Variants in KLRG1 observed in about 807,000 individuals in gnomAD.
KLRG1 encodes the protein killer cell lectin like receptor G1.
A neutral mutation model predicts 21.8 loss-of-function variants in KLRG1; 16 were observed. The ratio of observed to expected loss-of-function variants is 0.73; its 90% CI spans 0.50 to 1.11. The LOEUF is 1.11. Ranked by LOEUF, KLRG1 falls within the 50% of genes most tolerant of loss-of-function variation. The pLI is 0.00. For missense variants in KLRG1, 173 were observed against 218.3 expected, an observed-to-expected ratio of 0.79 and a Z score of 1.31; for synonymous variants, 69 against 75.9, an observed-to-expected ratio of 0.91 and a Z score of 0.47.
the KLRG1 span, among the ~76,000 whole-genome samples, chr12:9,150,383 C>T: frequency 1.3e-5 from 2 of 152,214 alleles, no homozygotes; most frequent in South Asian, 4.1e-4. Flanking sequence ...CCCAGGCTTA[C>T]ACGATTCTCC....
rs941594385 is a variant in KLRG1, at chr12:8,992,245, T to C, written c.122T>C (p.Ile41Thr). The C allele has an allele frequency of 2.5e-6, 4 of 1,613,964 alleles. No individual in the cohort carries two copies. The highest frequency in any genetic ancestry group is 1.7e-5 in the Admixed American group (1 of 59,984). Residue 41 changes from isoleucine (I) to threonine (T), a missense_variant, in exon 2 of 5, where the codon ATA (isoleucine) becomes ACA (threonine). Ile to Thr is a moderately conservative substitution (Grantham distance 89, BLOSUM62 -1). This residue lies in a region of KLRG1 where 144 missense variants were observed against 161.5 expected (regional missense o/e 0.89). Transcript: ENST00000356986. ...SRPSCSCLVA[I>T]ALGLLTAVLL... ...CCTTCTTGTTCTTGCCTTGTGGCAA[T>C]AGCTTTGGGGCTTCTGACTGCAGTT...
At chr12:8,958,175 A>G (rs1946327170) in intron 1 of KLRG1, among the ~76,000 whole-genome samples, 1 of 152,190 alleles carries the variant, frequency 6.6e-6, no homozygotes, top group Non-Finnish European at 1.5e-5. Context: ...TGGGATTACA[A>G]GCATGAACCA....
the KLRG1 span, among the ~76,000 whole-genome samples, chr12:9,182,867 T>C: frequency 1.3e-5 from 2 of 152,202 alleles, no homozygotes; most frequent in East Asian, 3.8e-4. Flanking sequence ...GAGATGCCTG[T>C]ACATAAAGGA....
rs765464164 is a variant in KLRG1 at position 8,992,311 on chromosome 12, G to T, written c.187+1G>T. 6.2e-7 allele frequency: 1 copy of T among 1,602,924 alleles called. No individual in the cohort carries two copies. Among genetic ancestry groups the T allele is most frequent in the Non-Finnish European group, 8.5e-7 (1 of 1,173,946 alleles). On this transcript the variant is annotated splice_donor_variant, in intron 2 of 4. Coordinates refer to ENST00000356986, the MANE Select transcript of KLRG1 (RefSeq NM_005810.4). LOFTEE classifies it high-confidence loss of function. ...CTATACCAGTGGATCCTGTGCCAGGGTAAGTGCAAACTTAAACCAAAATTA... is the reference window on the plus strand; with the variant it reads ...CTATACCAGTGGATCCTGTGCCAGGTTAAGTGCAAACTTAAACCAAAATTA...
the KLRG1 span, among the ~76,000 whole-genome samples, chr12:9,047,622 G>A: frequency 6.6e-6 from 1 of 151,946 alleles, no homozygotes; most frequent in Admixed American, 6.6e-5. Flanking sequence ...TATTAGAGTG[G>A]ATAAGAAAAC....
At chr12:8,979,421 A>G (rs12824380) in intron 1 of KLRG1, among the ~76,000 whole-genome samples, 54,680 of 152,064 alleles carry the variant, frequency 0.36, 10,927 homozygotes, top group South Asian at 0.44. Context: ...CCTGGCATAT[A>G]AGGTTTCTGC....
the KLRG1 span, chr12:9,101,130 A>T: frequency 6.4e-7 from 1 of 1,555,970 alleles, no homozygotes; most frequent in Admixed American, 1.9e-5. Flanking sequence ...TGCAGAGATG[A>T]TGGAAATACT....
At chr12:9,207,819 C>T in the KLRG1 span, among the ~76,000 whole-genome samples, 5 of 152,184 alleles carry the variant, frequency 3.3e-5, no homozygotes, top group African/African-American at 1.2e-4. Flanking sequence ...AAATTATTTT[C>T]CCTGCTTTGG....
the KLRG1 span, among the ~76,000 whole-genome samples, chr12:9,157,554 C>T: frequency 3.9e-4 from 59 of 152,138 alleles, no homozygotes; most frequent in African/African-American, 1.4e-3. Context: ...GACTAGAGAA[C>T]CTGTTTTTAG....
intron 1 of KLRG1, among the ~76,000 whole-genome samples, chr12:8,972,194 G>A (rs1384815325): frequency 6.6e-6 from 1 of 151,836 alleles, no homozygotes; most frequent in African/African-American, 2.4e-5. Flanking sequence ...GTCTCGCTCT[G>A]TCGCCCAGGC....
At chr12:9,024,953 G>T in the KLRG1 span, among the ~76,000 whole-genome samples, 1 of 152,298 alleles carries the variant, frequency 6.6e-6, no homozygotes, top group East Asian at 1.9e-4. Flanking sequence ...TGGCACAGAG[G>T]AAAGAGCATA....
chr12:8,982,022 A>G (rs1402041007), intron 1 of KLRG1, among the ~76,000 whole-genome samples: 1 of 152,176 alleles, frequency 6.6e-6, no homozygotes, highest in African/African-American at 2.4e-5. Flanking sequence ...TTATATTAGT[A>G]TGACCACTTG....
At chr12:9,163,552 A>G in the KLRG1 span, 1 of 1,201,242 alleles carries the variant, frequency 8.3e-7, no homozygotes, top group South Asian at 1.7e-5. Flanking sequence ...AGGAAATTCC[A>G]TTAGTCTTAC....
the KLRG1 span, chr12:9,069,691 C>A: frequency 7.0e-7 from 1 of 1,423,728 alleles, no homozygotes; most frequent in South Asian, 1.2e-5. Flanking sequence ...CCAGATGTTC[C>A]CTTAGAGGAT....
the KLRG1 span, among the ~76,000 whole-genome samples, chr12:9,078,893 A>T: frequency 1.2e-4 from 19 of 152,330 alleles, no homozygotes; most frequent in East Asian, 3.7e-3. Flanking sequence ...TTAGAATGTG[A>T]CAATATAAGC....
At chr12:9,116,101 T>G in the KLRG1 span, 1 of 463,734 alleles carries the variant, frequency 2.2e-6, no homozygotes, top group East Asian at 4.5e-5. Context: ...GGGCTAAAAC[T>G]ACATTCCCAT....
chr12:9,192,731 A>G, the KLRG1 span: 1 of 1,603,662 alleles, frequency 6.2e-7, no homozygotes, highest in South Asian at 1.1e-5. Context: ...TGGGATGCAC[A>G]GTGAAAACCT....
the KLRG1 span, among the ~76,000 whole-genome samples, chr12:9,132,721 C>A: frequency 6.6e-6 from 1 of 152,090 alleles, no homozygotes; most frequent in South Asian, 2.1e-4. Flanking sequence ...GACCTAATAA[C>A]TACTTTAATA....
At chr12:9,159,972 CA>C in the KLRG1 span, 1 of 1,613,878 alleles carries the variant, frequency 6.2e-7, no homozygotes, top group Non-Finnish European at 8.5e-7. Context: ...TATCGTTCCC[CA>C]AAGGTGCTGT....
Sources: allele counts gnomAD v4.1 joint callset (sites outside exome capture counted in the v4.1 genomes callset), GRCh38; gene constraint gnomAD v4.1.1; regional missense constraint gnomAD v4.1.1; transcripts MANE v1.5; gene names NCBI Gene and HGNC (gene_info 2026-07-23, HGNC 2026-07-21).